Variants in MAPK11 observed in about 807,000 individuals in gnomAD.
The protein encoded by MAPK11 is MAP kinase 11.
Under a neutral mutation model 52.2 loss-of-function variants are expected in MAPK11, and 44 were observed. That is an observed-to-expected ratio of 0.84 (90% CI 0.66 to 1.08). The LOEUF (loss-of-function observed/expected upper bound fraction) is 1.08. MAPK11 is among the 50% of genes least tolerant of loss of function. The probability of loss-of-function intolerance (pLI) is 0.00; values close to 1 mark genes in which losing one functional copy is unlikely to be tolerated. For synonymous variants in MAPK11, 233 were observed against 206.3 expected (o/e 1.13, Z -1.11); for missense variants, 436 against 494.7 (o/e 0.88, Z 1.13).
rs755902756 is a variant in MAPK11 at position 50,267,010 on chromosome 22, C to T, written c.534G>A (p.Glu178=). ...AGCGCGTGGCCACATAGCCGGTCAT[C>T]TCCTCGTCCGCCTGGCGCGCCAGCC... ...DFGLARQADE[E]MTGYVATRWY... The change falls in exon 7 of 12, where the codon GAG becomes GAA. Residue 178 remains glutamate, a synonymous_variant. Coordinates refer to ENST00000330651, the MANE Select transcript of MAPK11 (RefSeq NM_002751.7). The T allele has an allele frequency of 2.5e-6, 4 of 1,612,658 alleles. No homozygotes were observed. Among genetic ancestry groups the T allele is most frequent in the Middle Eastern group, 1.7e-4 (1 of 6,060 alleles).
chr22:50,264,851 G>A lies in MAPK11; in HGVS notation c.*97C>T. ...CCTAGGCCAGAAGTCTGTGACCATA[G>A]GAGTGTGGGAGGTGCCTCTCGAGGA... On this transcript the variant is annotated 3_prime_UTR_variant, in exon 12 of 12. Transcript: ENST00000330651. 1.1e-6 allele frequency: 1 copy of A among 901,450 alleles called. No homozygotes were observed. Among genetic ancestry groups the A allele is most frequent in the Non-Finnish European group, 1.7e-6 (1 of 578,846 alleles). 55.8% of individuals were successfully genotyped at this position (901,450 alleles called of 1,614,324 possible).
Position 50,264,615 on chromosome 22 carries a change from G to A in MAPK11, c.*333C>T, listed in dbSNP as rs200166049. Reference sequence around the variant, plus strand: ...GGCTGACACTCCCTTGGGTCGGCCTGGGACAGACAGGGGAACTCCGCAGGG... The same window carrying A: ...GGCTGACACTCCCTTGGGTCGGCCTAGGACAGACAGGGGAACTCCGCAGGG... On this transcript the variant is annotated 3_prime_UTR_variant, in exon 12 of 12. Transcript: ENST00000330651. The A allele has an allele frequency of 8.3e-6, 2 of 239,980 alleles. No individual in the cohort carries two copies. The highest frequency in any genetic ancestry group is 1.6e-5 in the Non-Finnish European group (2 of 121,748). The allele number at this position is 239,980 out of a possible 1,614,324, so 14.9% of individuals were successfully genotyped here.
intron 10 of MAPK11, 24 bp downstream of exon 10, chr22:50,265,558 A>G: frequency 6.2e-7 from 1 of 1,612,130 alleles, no homozygotes; most frequent in Non-Finnish European, 8.5e-7. Context: ...TATGGAGCCC[A>G]GTCTAGCCCA....
chr22:50,265,732 T>C, intron 9 of MAPK11, 72 bp from the exon 10 acceptor site: 1 of 962,786 alleles, frequency 1.0e-6, no homozygotes, highest in Non-Finnish European at 1.6e-6. Flanking sequence ...GGGGCTTCTC[T>C]TGGCAAGCCC....
intron 1 of MAPK11, among the ~76,000 whole-genome samples, chr22:50,268,377 G>C (rs200984214): frequency 6.6e-6 from 1 of 152,214 alleles, no homozygotes; most frequent in African/African-American, 2.4e-5. Context: ...GCTCACAGAG[G>C]GGGATTCTAG....
intron 9 of MAPK11, 95 bp downstream of exon 9, chr22:50,266,131 C>G (rs1026123016): frequency 4.9e-6 from 5 of 1,013,376 alleles, no homozygotes; most frequent in Non-Finnish European, 7.3e-6. Flanking sequence ...CCATGTTCCC[C>G]ATATGGTCCC....
At chr22:50,265,961 C>A in intron 9 of MAPK11, among the ~76,000 whole-genome samples, 1 of 139,332 alleles carries the variant, frequency 7.2e-6, no homozygotes, top group African/African-American at 2.6e-5. Context: ...CCAGGCACTG[C>A]TTGCTGGGCC....
Position 50,266,992 on chromosome 22 carries a change from G to A in MAPK11, c.552C>T (p.Ala184=). 6.2e-7 allele frequency: 1 copy of A among 1,612,632 alleles called. No individual in the cohort carries two copies. The highest frequency in any genetic ancestry group is 8.5e-7 in the Non-Finnish European group (1 of 1,179,984). Residue 184 remains alanine, a synonymous_variant, in exon 7 of 12, where the codon GCC becomes GCT. Coordinates refer to ENST00000330651, the MANE Select transcript of MAPK11 (RefSeq NM_002751.7). Reference sequence around the variant, plus strand: ...TCTCAGGTGCCCGGTACCAGCGCGTGGCCACATAGCCGGTCATCTCCTCGT... The same window carrying A: ...TCTCAGGTGCCCGGTACCAGCGCGTAGCCACATAGCCGGTCATCTCCTCGT... ...QADEEMTGYV[A]TRWYRAPEIM... is the part of the protein sequence containing the mutation.
chr22:50,270,340 C>G lies in MAPK11; in HGVS notation c.-48G>C. 1 of 840,296 alleles carries G rather than the reference C, an allele frequency of 1.2e-6. No homozygotes were observed. Among genetic ancestry groups the G allele is most frequent in the Middle Eastern group, 5.0e-4 (1 of 2,016 alleles). The allele number at this position is 840,296 out of a possible 1,614,324, so 52.1% of individuals were successfully genotyped here. ...CCCGGGCCCAGCCCCGCGCCCCGCG[C>G]CCGCGCCCGAGCCGAGCCCGAGCCG... On this transcript the variant is annotated 5_prime_UTR_variant, in exon 1 of 12. Coordinates refer to ENST00000330651, the MANE Select transcript of MAPK11 (RefSeq NM_002751.7). This position sits in a 1 kb window ranked among gnomAD's most constrained non-coding sequence, Gnocchi z 6.3.
rs200143532 is a variant in MAPK11 at position 50,264,275 on chromosome 22, C to A, written c.*673G>T. Reference sequence around the variant, plus strand: ...GGCCTTGGGCGCCCACAGATTCACACGCACCACATCACATGTGCCCTGACA... The same window carrying A: ...GGCCTTGGGCGCCCACAGATTCACAAGCACCACATCACATGTGCCCTGACA... On this transcript the variant is annotated 3_prime_UTR_variant, in exon 12 of 12. Transcript: ENST00000330651. 1 of 152,272 alleles carries A rather than the reference C, an allele frequency of 6.6e-6. No individual in the cohort carries two copies. Among genetic ancestry groups the A allele is most frequent in the African/African-American group, 2.4e-5 (1 of 41,454 alleles). The allele number at this position is 152,272 out of a possible 1,614,324, so 9.4% of individuals were successfully genotyped here. A position where few individuals can be genotyped will look rare whatever the true frequency, so the allele number is the denominator to read the frequency against.
Position 50,267,438 on chromosome 22 carries a change from A to C in MAPK11, c.350T>G (p.Val117Gly), listed in dbSNP as rs770710299. The change falls in exon 4 of 12, where the codon GTC (valine) becomes GGC (glycine). Residue 117 changes from valine to glycine, a missense_variant. Coordinates refer to ENST00000330651, the MANE Select transcript of MAPK11 (RefSeq NM_002751.7). ...TLMGADLNNI[V>G]KCQALSDEHV... ...CTCGTCGCTCAGCGCCTGGCACTTG[A>C]CGATGTTGTTCAGGTCGGCGCCCAT... The C allele has an allele frequency of 6.2e-7, 1 of 1,610,618 alleles. No individual in the cohort carries two copies. The highest frequency in any genetic ancestry group is 8.5e-7 in the Non-Finnish European group (1 of 1,179,046).
chr22:50,270,048 G>C lies in MAPK11; in HGVS notation c.116+129C>G. 3 of 224,310 alleles carry C rather than the reference G, an allele frequency of 1.3e-5. No homozygotes were observed. The highest frequency in any genetic ancestry group is 2.5e-5 in the Non-Finnish European group (3 of 119,552). 13.9% of individuals were successfully genotyped at this position (224,310 alleles called of 1,614,324 possible). Reference sequence around the variant, plus strand: ...GCCCCCCCATTCATTCCTCAGATCCGCTTGGCGCCCGGGGGCGGAGGCAGG... The same window carrying C: ...GCCCCCCCATTCATTCCTCAGATCCCCTTGGCGCCCGGGGGCGGAGGCAGG... On this transcript the variant is annotated intron_variant, in intron 1 of 11. Transcript: ENST00000330651. This position sits in a 1 kb window ranked among gnomAD's most constrained non-coding sequence, Gnocchi z 6.3.
At chr22:50,265,526 C>A (rs200737689) in intron 10 of MAPK11, 32 bp from the exon 11 acceptor site, 25 of 1,612,796 alleles carry the variant, frequency 1.6e-5, no homozygotes, top group Non-Finnish European at 2.1e-5. Context: ...GGAGGGGGGT[C>A]AGCTGTACAT....
intron 11 of MAPK11, 134 bp from the exon 12 acceptor site, chr22:50,265,161 C>A (rs756067901): frequency 2.3e-4 from 282 of 1,241,342 alleles, no homozygotes; most frequent in Non-Finnish European, 2.9e-4. Flanking sequence ...GAGCCAGAAC[C>A]TGCCCTGTGT....
intron 9 of MAPK11, among the ~76,000 whole-genome samples, chr22:50,265,869 C>T: frequency 6.6e-6 from 1 of 151,816 alleles, no homozygotes; most frequent in Non-Finnish European, 1.5e-5. Context: ...GGTCCAAGTA[C>T]ACTCCCTCCA....
intron 1 of MAPK11, 53 bp from the exon 2 acceptor site, chr22:50,268,002 C>A (rs1326885128): frequency 1.4e-6 from 2 of 1,467,134 alleles, no homozygotes; most frequent in Non-Finnish European, 1.8e-6. Flanking sequence ...GGCGGCCGCA[C>A]GCGCGTGGAC....
chr22:50,267,716 C>G, intron 2 of MAPK11, 89 bp from the exon 3 acceptor site: 1 of 1,430,168 alleles, frequency 7.0e-7, no homozygotes, highest in Non-Finnish European at 9.2e-7. Context: ...CCAGGCCGCG[C>G]CCCCTGTGTC....
In MAPK11 at chr22:50,268,777, A is replaced by AC. The variant is rs938071372; in HGVS notation, c.117-829dup. ...CTCAGAGCAAGTGGAGGCTGAGGCC[A>AC]CCCCCCATGCCCACACAAGGGGAGC... On this transcript the variant is annotated intron_variant, in intron 1 of 11. Coordinates refer to ENST00000330651, the MANE Select transcript of MAPK11 (RefSeq NM_002751.7). 2.6e-5 allele frequency among the ~76,000 whole-genome samples: 4 copies of AC among 152,132 alleles called. No homozygotes were observed. In the South Asian group the frequency reaches 6.2e-4, roughly 24 times the overall value.
chr22:50,267,984 G>C, intron 1 of MAPK11, 35 bp from the exon 2 acceptor site: 1 of 1,509,512 alleles, frequency 6.6e-7, no homozygotes, highest in Non-Finnish European at 8.8e-7. Context: ...CGCCGGGAGG[G>C]GTCCGAGGGC....
Sources: allele counts gnomAD v4.1 joint callset (sites outside exome capture counted in the v4.1 genomes callset), GRCh38; gene constraint gnomAD v4.1.1; non-coding constraint Gnocchi (gnomAD v3.1); transcripts MANE v1.5; gene names NCBI Gene and HGNC (gene_info 2026-07-23, HGNC 2026-07-21).